MED23: variants seen among roughly 807,000 people sequenced by gnomAD.
The protein encoded by MED23 is mediator of RNA polymerase II transcription subunit 23.
In MED23, 105 loss-of-function variants were observed where a neutral mutation model predicts 163.9. That is an observed-to-expected ratio of 0.64 (90% CI 0.55 to 0.75). The LOEUF (loss-of-function observed/expected upper bound fraction) is 0.75, where lower values mean the gene tolerates loss of function less well. MED23 is among the 30% of genes least tolerant of loss of function. The pLI is 0.00. For synonymous variants in MED23, 561 were observed against 565.6 expected, an observed-to-expected ratio of 0.99 and a Z score of 0.12; for missense variants, 1,054 against 1,649.0, an observed-to-expected ratio of 0.64 and a Z score of 6.25.
intron 13 of MED23, 39 bp from the exon 14 acceptor site, chr6:131,605,524 T>C: frequency 6.7e-7 from 1 of 1,502,516 alleles, no homozygotes; most frequent in Non-Finnish European, 8.9e-7. Flanking sequence ...AAAATGAAAA[T>C]AACTTCCATA....
At chr6:131,602,152 T>C (rs1775531843) in intron 17 of MED23, 66 bp downstream of exon 17, 1 of 1,514,708 alleles carries the variant, frequency 6.6e-7, no homozygotes, top group East Asian at 2.3e-5. Context: ...ACAACTATAG[T>C]AATTAGTAGA....
intron 18 of MED23, 97 bp downstream of exon 18, chr6:131,599,941 T>C (rs893303674): frequency 1.0e-5 from 15 of 1,436,782 alleles, no homozygotes; most frequent in Non-Finnish European, 1.5e-5. Flanking sequence ...TAAAAGCTAA[T>C]TTTATTCAGA....
In MED23 at chr6:131,627,182, G is replaced by A. The variant is rs180706614; in HGVS notation, c.159+214C>T. 608 of 567,790 alleles carry A rather than the reference G, an allele frequency of 1.1e-3. 1 individual carries two copies. The highest frequency in any genetic ancestry group is 2.1e-3 in the Admixed American group (66 of 30,788). 35.2% of individuals were successfully genotyped at this position (567,790 alleles called of 1,614,324 possible). On this transcript the variant is annotated intron_variant, in intron 3 of 28. Coordinates refer to ENST00000368068, the MANE Select transcript of MED23 (RefSeq NM_004830.4). ...TTTTTTTTTTTAAACATCTCACACT[G>A]TGCAGTATCAACTTGACTTCTCAAC...
chr6:131,587,771 C>T lies in MED23; in HGVS notation c.4015G>A (p.Glu1339Lys). 6.2e-7 allele frequency: 1 copy of T among 1,614,088 alleles called. No homozygotes were observed. Among genetic ancestry groups the T allele is most frequent in the Non-Finnish European group, 8.5e-7 (1 of 1,180,002 alleles). The change falls in exon 29 of 29, where the codon GAG becomes AAG. Residue 1339 changes from glutamate (E) to lysine (K), a missense_variant. Glu to Lys is a moderately conservative substitution (Grantham distance 56). Transcript: ENST00000368068. The part of the protein sequence containing the change: ...LRFITHISKM[E>K]PAAVPPQAMN... The stretch of plus-strand genomic sequence containing the variant: ...GCTTGTGGAGGCACTGCAGCTGGCT[C>T]CATCTTGCTAATGTGTGTGATGAAT...
At chr6:131,593,568 T>C (rs1039619133) in intron 23 of MED23, among the ~76,000 whole-genome samples, 2 of 152,206 alleles carry the variant, frequency 1.3e-5, no homozygotes, top group South Asian at 2.1e-4. Flanking sequence ...TAGAATTTCT[T>C]ACCTAGTAAA....
In MED23 at chr6:131,610,376, G is replaced by GAAGTTGAACTTAAGAAGTCTAACC. The variant is rs1229192947; in HGVS notation, c.877-131_877-130insGGTTAGACTTCTTAAGTTCAACTT. 5 of 844,780 alleles carry GAAGTTGAACTTAAGAAGTCTAACC rather than the reference G, an allele frequency of 5.9e-6. No homozygotes were observed. In the African/African-American group the frequency reaches 8.4e-5, roughly 14 times the overall value. The allele number at this position is 844,780 out of a possible 1,614,324, so 52.3% of individuals were successfully genotyped here. A position where few individuals can be genotyped will look rare whatever the true frequency, so the allele number is the denominator to read the frequency against. ...ATGAAGTTGAACTTAAGAAGTCAAG[G>GAAGTTGAACTTAAGAAGTCTAACC]TTAGATTTAGTCTATTAAAGCTGCA... On this transcript the variant is annotated intron_variant, in intron 10 of 28. Coordinates refer to ENST00000368068, the MANE Select transcript of MED23 (RefSeq NM_004830.4).
chr6:131,586,780 G>GT lies in MED23; in HGVS notation c.*898dup. ...TTCATTCAGCAGACTTTACTCATTAGTTTTCAAGTCTTTCGCAATGCCAAT... is the reference window on the plus strand; with the variant it reads ...TTCATTCAGCAGACTTTACTCATTAGTTTTTCAAGTCTTTCGCAATGCCAAT... On this transcript the variant is annotated 3_prime_UTR_variant, in exon 29 of 29. Coordinates refer to ENST00000368068, the MANE Select transcript of MED23 (RefSeq NM_004830.4). 6.7e-7 allele frequency: 1 copy of GT among 1,485,212 alleles called. No individual in the cohort carries two copies. Among genetic ancestry groups the GT allele is most frequent in the South Asian group, 1.2e-5 (1 of 82,116 alleles). 92.0% of individuals were successfully genotyped at this position (1,485,212 alleles called of 1,614,324 possible).
chr6:131,592,309 A>G, intron 25 of MED23, 79 bp downstream of exon 25: 1 of 1,221,400 alleles, frequency 8.2e-7, no homozygotes, highest in Non-Finnish European at 1.2e-6. Context: ...GGCATCCTAT[A>G]TGCATCTTTT....
At position 131,610,157 on chromosome 6, in the gene MED23, G is replaced by A. The variant is rs555813119; in HGVS notation, c.966C>T (p.Asp322=). 56 of 1,614,026 alleles carry A rather than the reference G, an allele frequency of 3.5e-5. No individual in the cohort carries two copies. The highest frequency in any genetic ancestry group is 3.2e-4 in the South Asian group (29 of 91,086). ...MERSETEEKF[D]DGGTSQLLWQ... is the part of the protein sequence containing the mutation. Reference sequence around the variant, plus strand: ...ACAGGAGTTGGCTTGTTCCCCCATCGTCAAACTTCTCCTCGGTCTCAGATC... The same window carrying A: ...ACAGGAGTTGGCTTGTTCCCCCATCATCAAACTTCTCCTCGGTCTCAGATC... The change falls in exon 11 of 29, where the codon GAC becomes GAT. Residue 322 remains aspartate, a synonymous_variant. Transcript: ENST00000368068.
chr6:131,598,773 A>G lies in MED23; in HGVS notation c.2221-12T>C, dbSNP rs2114634147. 16 of 1,611,012 alleles carry G rather than the reference A, an allele frequency of 9.9e-6. No homozygotes were observed. Among genetic ancestry groups the G allele is most frequent in the Non-Finnish European group, 1.4e-5 (16 of 1,177,210 alleles). ...TGTTTGAAGAATGCCTAAAAAGAGG[A>G]TTAGAAGTTTATTTCATTGGTTATA... On this transcript the variant is annotated splice_polypyrimidine_tract_variant and intron_variant, in intron 18 of 28. Coordinates refer to ENST00000368068, the MANE Select transcript of MED23 (RefSeq NM_004830.4). The surrounding 1 kb of genome is among the most constrained non-coding windows in gnomAD (Gnocchi z 4.7).
intron 4 of MED23, among the ~76,000 whole-genome samples, chr6:131,624,134 T>A (rs1304851750): frequency 2.0e-5 from 3 of 152,326 alleles, no homozygotes; most frequent in African/African-American, 7.2e-5. Context: ...GCAACAAGAT[T>A]TTTGATCCCA....
rs148110549 is a variant in MED23, at chr6:131,604,126, T to C, written c.1756+52A>G. ...TCCCCAGGACCTAGAAAAGTAACTT[T>C]AGAGTTAATGAATGGGTTAATAGTT... On this transcript the variant is annotated intron_variant, in intron 15 of 28. Transcript: ENST00000368068. 544 of 1,600,550 alleles carry C rather than the reference T, an allele frequency of 3.4e-4. 3 individuals carry two copies. The African/African-American group carries it at 5.5e-3, about 16-fold the overall frequency.
In MED23 at chr6:131,594,279, C is replaced by T; in HGVS notation, c.3052G>A (p.Asp1018Asn). The T allele has an allele frequency of 6.2e-7, 1 of 1,614,146 alleles. No homozygotes were observed. Among genetic ancestry groups the T allele is most frequent in the East Asian group, 2.2e-5 (1 of 44,886 alleles). The stretch of plus-strand genomic sequence containing the variant: ...AGTTTTCGTTTGAGAAATGCGCGGT[C>T]TCTCAGGTGCATTTCATAATAGTGC... ...TLHYYEMHLRDRAFLKRKLVH... is the reference protein window; with the variant it reads ...TLHYYEMHLRNRAFLKRKLVH... The change falls in exon 23 of 29, where the codon GAC becomes AAC. Residue 1018 changes from aspartate (D) to asparagine (N), a missense_variant. By Grantham distance (23) the Asp-to-Asn change is conservative (BLOSUM62 1). Transcript: ENST00000368068.
chr6:131,593,275 A>G, intron 23 of MED23, 104 bp from the exon 24 acceptor site: 1 of 1,396,580 alleles, frequency 7.2e-7, no homozygotes, highest in East Asian at 2.3e-5. Context: ...AGAGAGATTA[A>G]GAGGCAAATG....
chr6:131,593,295 T>C (rs963699098), intron 23 of MED23, 124 bp from the exon 24 acceptor site: 66 of 1,127,848 alleles, frequency 5.9e-5, no homozygotes, highest in Non-Finnish European at 8.5e-5. Flanking sequence ...GCAAACCAAA[T>C]ACAAATGAGT....
chr6:131,590,304 A>G lies in MED23; in HGVS notation c.3807+18T>C. On this transcript the variant is annotated intron_variant, in intron 27 of 28. Coordinates refer to ENST00000368068, the MANE Select transcript of MED23 (RefSeq NM_004830.4). The stretch of plus-strand genomic sequence containing the variant: ...TCAGAATTTAATCATGTCACAGGAA[A>G]CCCAGATTATATTTTACCTCTATCA... 6.2e-7 allele frequency: 1 copy of G among 1,608,384 alleles called. No homozygotes were observed. The highest frequency in any genetic ancestry group is 1.1e-5 in the South Asian group (1 of 90,852).
chr6:131,607,772 AC>A (rs1400460368), intron 12 of MED23, among the ~76,000 whole-genome samples, 155 bp downstream of exon 12: 3 of 152,202 alleles, frequency 2.0e-5, no homozygotes, highest in African/African-American at 7.2e-5. Flanking sequence ...CTGTAGACCT[AC>A]CTAGAATGTA....
At chr6:131,608,393 A>G (rs1776013392) in intron 11 of MED23, among the ~76,000 whole-genome samples, 1 of 152,200 alleles carries the variant, frequency 6.6e-6, no homozygotes, top group African/African-American at 2.4e-5. Flanking sequence ...TCATGTGTGC[A>G]TGAGAATCAA....
chr6:131,602,886 A>C, intron 16 of MED23, 144 bp downstream of exon 16: 1 of 847,026 alleles, frequency 1.2e-6, no homozygotes. Context: ...ACTGGAAACA[A>C]AATACTTTAG....
Sources: allele counts gnomAD v4.1 joint callset (sites outside exome capture counted in the v4.1 genomes callset), GRCh38; gene constraint gnomAD v4.1.1; non-coding constraint Gnocchi (gnomAD v3.1); transcripts MANE v1.5; gene names NCBI Gene and HGNC (gene_info 2026-07-23, HGNC 2026-07-21).